NKAIN2: variants seen among roughly 807,000 people sequenced by gnomAD.
NKAIN2 encodes sodium/potassium transporting ATPase interacting 2, also known as sodium/potassium-transporting ATPase subunit beta-1-interacting protein 2.
NKAIN2 carries 14 observed loss-of-function variants against 32.6 expected under a neutral mutation model. That is an observed-to-expected ratio of 0.43 (90% CI 0.28 to 0.67). The LOEUF (loss-of-function observed/expected upper bound fraction) is 0.67, where lower values mean the gene tolerates loss of function less well. Ranked by LOEUF, NKAIN2 falls within the 30% of genes least tolerant of loss-of-function variation. The probability of loss-of-function intolerance (pLI) is 0.17; values close to 1 mark genes in which losing one functional copy is unlikely to be tolerated. For missense variants in NKAIN2, 198 were observed against 258.3 expected, an observed-to-expected ratio of 0.77 and a Z score of 1.60; for synonymous variants, 80 against 87.2, an observed-to-expected ratio of 0.92 and a Z score of 0.46.
chr6:123,887,719 T>G (rs571831481), intron 1 of NKAIN2, among the ~76,000 whole-genome samples: 5 of 152,208 alleles, frequency 3.3e-5, no homozygotes, highest in Admixed American at 3.3e-4. Flanking sequence ...TCCAGAAAAT[T>G]TATGGAAATT....
chr6:124,709,764 A>T (rs1457701459), intron 4 of NKAIN2, among the ~76,000 whole-genome samples: 1 of 151,236 alleles, frequency 6.6e-6, no homozygotes, highest in African/African-American at 2.4e-5. Context: ...AATTTTATTG[A>T]TCCTTTCAAA....
intron 1 of NKAIN2, among the ~76,000 whole-genome samples, chr6:124,143,171 A>G (rs1052702155): frequency 6.6e-6 from 1 of 152,200 alleles, no homozygotes; most frequent in African/African-American, 2.4e-5. Context: ...AGTTAAAAAA[A>G]TGTATCACTG....
At chr6:124,707,959 G>A (rs1315292357) in intron 4 of NKAIN2, among the ~76,000 whole-genome samples, 14 of 150,128 alleles carry the variant, frequency 9.3e-5, no homozygotes, top group Admixed American at 8.0e-4. Flanking sequence ...TTCTTCTAGG[G>A]TTTTTATGGT....
chr6:123,991,543 C>A (rs1779411262), intron 1 of NKAIN2, among the ~76,000 whole-genome samples: 1 of 152,052 alleles, frequency 6.6e-6, no homozygotes, highest in Non-Finnish European at 1.5e-5. Flanking sequence ...AGTAAGGAAT[C>A]AAAAATGCCC....
intron 1 of NKAIN2, among the ~76,000 whole-genome samples, chr6:124,093,197 G>A (rs1164091151): frequency 6.6e-6 from 1 of 152,078 alleles, no homozygotes; most frequent in East Asian, 1.9e-4. Context: ...AGACAACCAT[G>A]GCTAAACATG....
At chr6:124,476,053 A>T (rs891172479) in intron 3 of NKAIN2, among the ~76,000 whole-genome samples, 6 of 81,624 alleles carry the variant, frequency 7.4e-5, no homozygotes, top group African/African-American at 2.9e-4. Context: ...TGTGTGAGAG[A>T]GAGAGAGAGA....
intron 1 of NKAIN2, among the ~76,000 whole-genome samples, chr6:123,952,434 T>C (rs569910097): frequency 1.1e-4 from 17 of 152,302 alleles, no homozygotes; most frequent in African/African-American, 3.4e-4. Flanking sequence ...AGTCTCTTGC[T>C]GGATTTGGAA....
intron 3 of NKAIN2, among the ~76,000 whole-genome samples, chr6:124,432,524 C>T (rs1299953473): frequency 2.0e-5 from 3 of 152,116 alleles, no homozygotes; most frequent in African/African-American, 7.2e-5. Flanking sequence ...GGGAGGATCA[C>T]TTGAGCCTGG....
chr6:124,621,789 A>C (rs566315138), intron 3 of NKAIN2, among the ~76,000 whole-genome samples: 1 of 152,214 alleles, frequency 6.6e-6, no homozygotes, highest in South Asian at 2.1e-4. Flanking sequence ...TTACCTTTGA[A>C]AATCTCTCCC....
At chr6:124,065,609 C>T (rs1191033906) in intron 1 of NKAIN2, among the ~76,000 whole-genome samples, 1 of 152,116 alleles carries the variant, frequency 6.6e-6, no homozygotes, top group Non-Finnish European at 1.5e-5. Context: ...AAGCCCTCAC[C>T]AGACACCAAA....
chr6:124,784,081 G>A (rs1016397053), intron 4 of NKAIN2, among the ~76,000 whole-genome samples: 3 of 152,094 alleles, frequency 2.0e-5, no homozygotes, highest in Non-Finnish European at 2.9e-5. Context: ...ACTTGGTTTA[G>A]ATATATTTAT....
chr6:124,368,919 T>A (rs2114314020), intron 3 of NKAIN2, among the ~76,000 whole-genome samples: 1 of 152,324 alleles, frequency 6.6e-6, no homozygotes, highest in South Asian at 2.1e-4. Context: ...TTATTTCTGA[T>A]GTGGTCTTTG....
At chr6:124,198,930 T>C (rs747742398) in intron 1 of NKAIN2, among the ~76,000 whole-genome samples, 3 of 152,178 alleles carry the variant, frequency 2.0e-5, no homozygotes, top group Non-Finnish European at 4.4e-5. Flanking sequence ...TTTTATTGTT[T>C]GGTTGTGTGG....
chr6:124,306,902 T>C (rs1285090368), intron 2 of NKAIN2, among the ~76,000 whole-genome samples: 13 of 152,176 alleles, frequency 8.5e-5, no homozygotes, highest in Admixed American at 8.5e-4. Context: ...CAATATTTGC[T>C]AACCTTTCAT....
intron 3 of NKAIN2, among the ~76,000 whole-genome samples, chr6:124,492,672 G>T (rs1198790997): frequency 6.6e-6 from 1 of 151,992 alleles, no homozygotes; most frequent in Middle Eastern, 3.4e-3. Flanking sequence ...TTATTATAAT[G>T]CCATTGATTC....
rs563039123 is a variant in NKAIN2 at position 123,932,697 on chromosome 6, G to T, written c.54+128443G>T. 2.6e-5 allele frequency among the ~76,000 whole-genome samples: 4 copies of T among 151,674 alleles called. No individual in the cohort carries two copies. In the South Asian group the frequency reaches 6.2e-4, roughly 24 times the overall value. On this transcript the variant is annotated intron_variant, in intron 1 of 6. Transcript: ENST00000368417. ...CTCCCAAAGTGCTGGGATTACAGGC[G>T]TGAGCCACCGCGCCCAGCCTTTCTT... is the stretch of plus-strand genomic sequence containing the variant.
chr6:124,693,571 G>A (rs1022925504), intron 4 of NKAIN2, among the ~76,000 whole-genome samples: 3 of 152,168 alleles, frequency 2.0e-5, no homozygotes. Flanking sequence ...CTCAGATAAG[G>A]AACACTTAAC....
At chr6:124,026,984 A>T (rs994308382) in intron 1 of NKAIN2, among the ~76,000 whole-genome samples, 1 of 151,946 alleles carries the variant, frequency 6.6e-6, no homozygotes. Flanking sequence ...TTTCTGCCTC[A>T]AATTTTTTCT....
chr6:124,341,185 G>A (rs57407099), intron 2 of NKAIN2, among the ~76,000 whole-genome samples: 6,372 of 151,994 alleles, frequency 0.042, 248 homozygotes, highest in African/African-American at 0.098. Context: ...GGAAATTTCT[G>A]GGAATTGATC....
Sources: gnomAD v4.1 joint callset for allele counts (sites outside exome capture counted in the v4.1 genomes callset) on GRCh38, gnomAD v4.1.1 for gene constraint, MANE v1.5 for transcripts, NCBI Gene and HGNC (gene_info 2026-07-23, HGNC 2026-07-21) for gene names.